Variants in MACF1 observed in about 807,000 individuals in gnomAD.
The protein encoded by MACF1 is microtubule-actin cross-linking factor 1.
In MACF1, 193 loss-of-function variants were observed where a neutral mutation model predicts 854.8. The ratio of observed to expected loss-of-function variants is 0.23; its 90% CI spans 0.20 to 0.25. The LOEUF is 0.25. Among genes scored for constraint, MACF1 ranks in the 10% least tolerant of loss-of-function variants. The pLI is 1.00. For synonymous variants in MACF1, 3,185 were observed against 3,226.7 expected, an observed-to-expected ratio of 0.99 and a Z score of 0.44; for missense variants, 7,722 against 8,929.1, an observed-to-expected ratio of 0.86 and a Z score of 5.45.
intron 98 of MACF1, 24 bp downstream of exon 98, chr1:39,480,033 CCTT>C (rs1289046209): frequency 1.2e-5 from 17 of 1,462,946 alleles, no homozygotes; most frequent in Non-Finnish European, 1.6e-5. Flanking sequence ...TCCATTATGC[CCTT>C]CTTCCCCAAT....
chr1:39,440,111 C>CTTTTCTTTTT (rs1553414036), intron 72 of MACF1, among the ~76,000 whole-genome samples: 84 of 64,504 alleles, frequency 1.3e-3, no homozygotes, highest in African/African-American at 4.7e-3. Flanking sequence ...CTTTTCTTTT[C>CTTTTCTTTTT]TTTTTTTTTT....
At chr1:39,206,747 A>T (rs766614332) in intron 1 of MACF1, 1 of 152,196 alleles carries the variant, frequency 6.6e-6, no homozygotes, top group Non-Finnish European at 1.5e-5. Context: ...ATGGATTCCA[A>T]ATCTTCCATG....
chr1:39,187,592 G>A (rs1188809327), intron 2 of MACF1, among the ~76,000 whole-genome samples: 1 of 152,104 alleles, frequency 6.6e-6, no homozygotes, highest in African/African-American at 2.4e-5. Context: ...AAGGATACAA[G>A]GGAGGTAAAT....
intron 58 of MACF1, among the ~76,000 whole-genome samples, chr1:39,393,196 A>AAAAAAAAAATAT (rs57576149): frequency 1.5e-5 from 1 of 66,566 alleles, no homozygotes; most frequent in African/African-American, 8.4e-5. Flanking sequence ...AAAAAAAAAA[A>AAAAAAAAAATAT]ATATATATAT....
intron 2 of MACF1, among the ~76,000 whole-genome samples, chr1:39,140,467 A>G (rs1460397037): frequency 3.3e-5 from 5 of 152,222 alleles, no homozygotes; most frequent in East Asian, 1.9e-4. Context: ...TAAGGCTTCA[A>G]TAACCATTGC....
In MACF1 at chr1:39,134,034, C is replaced by CTTTTTTT. The variant is rs754585049; in HGVS notation, c.220+49614_220+49620dup. 9.8e-4 allele frequency among the ~76,000 whole-genome samples: 70 copies of CTTTTTTT among 71,622 alleles called. 1 individual carries two copies. Among genetic ancestry groups the CTTTTTTT allele is most frequent in the East Asian group, 2.0e-3 (4 of 1,982 alleles). 47.0% of individuals were successfully genotyped at this position (71,622 alleles called of 152,430 possible). A position where few individuals can be genotyped will look rare whatever the true frequency, so the allele number is the denominator to read the frequency against. On this transcript the variant is annotated intron_variant, in intron 2 of 93. Coordinates refer to the MACF1 transcript ENST00000361689. ...TAGATATTATCATCAGAAGAACAGT[C>CTTTTTTT]TTTTTTTTTTTTTTTTTTTTTTTTG... is the stretch of plus-strand genomic sequence containing the variant.
chr1:39,259,281 TC>T (rs944821591), intron 6 of MACF1, among the ~76,000 whole-genome samples: 3 of 152,192 alleles, frequency 2.0e-5, no homozygotes, highest in African/African-American at 7.2e-5. Flanking sequence ...TAAATTAATT[TC>T]CTTTTTTTTT....
At chr1:39,122,049 T>A (rs928116582) in intron 2 of MACF1, among the ~76,000 whole-genome samples, 76 of 152,284 alleles carry the variant, frequency 5.0e-4, no homozygotes, top group African/African-American at 1.8e-3. Context: ...ATTGTTTACC[T>A]TAAGACAGCC....
At chr1:39,215,991 C>G (rs906013910) in intron 1 of MACF1, among the ~76,000 whole-genome samples, 10 of 152,104 alleles carry the variant, frequency 6.6e-5, no homozygotes. Flanking sequence ...TTAGATCTCT[C>G]TTGATAAGGC....
intron 58 of MACF1, among the ~76,000 whole-genome samples, chr1:39,415,555 G>T (rs1384515107): frequency 1.3e-5 from 2 of 148,636 alleles, no homozygotes. Flanking sequence ...GTAGAGACGG[G>T]TTTCACTGTG....
At position 39,480,981 on chromosome 1, in the gene MACF1, C is replaced by A. The variant is rs1645002048; in HGVS notation, c.22232C>A (p.Thr7411Asn). The change falls in exon 99 of 101, where the codon ACC (threonine) becomes AAC (asparagine). Residue 7411 changes from threonine (T) to asparagine (N), a missense_variant. This residue lies in a region of MACF1 where 185 missense variants were observed against 225.7 expected (regional missense o/e 0.82). Coordinates refer to ENST00000564288, the MANE Select transcript of MACF1 (RefSeq NM_001394062.1). Reference protein sequence around the residue: ...KPWLVNSKAGTPIRDSHSPDL... With the variant: ...KPWLVNSKAGNPIRDSHSPDL... The stretch of plus-strand genomic sequence containing the variant: ...TGGTTGGTAAACAGTAAAGCTGGCA[C>A]CCCTATCAGGGACAGCCATTCTCCT... The A allele has an allele frequency of 1.3e-6, 2 of 1,550,812 alleles. No individual in the cohort carries two copies. The highest frequency in any genetic ancestry group is 2.4e-5 in the South Asian group (2 of 84,062).
chr1:39,429,714 C>CAGAG (rs146170592), intron 64 of MACF1, 113 bp from the exon 65 acceptor site: 18 of 1,022,432 alleles, frequency 1.8e-5, no homozygotes, highest in Non-Finnish European at 2.6e-5. Flanking sequence ...ATCATTACCA[C>CAGAG]AGAGAGAGAG....
At position 39,310,849 on chromosome 1, in the gene MACF1, T is replaced by C. The variant is rs756137083; in HGVS notation, c.3119T>C (p.Val1040Ala). The C allele has an allele frequency of 1.6e-5, 25 of 1,612,458 alleles. No individual in the cohort carries two copies. Among genetic ancestry groups the C allele is most frequent in the Non-Finnish European group, 2.1e-5 (25 of 1,179,300 alleles). The part of the protein sequence containing the change: ...SMENEDKEET[V>A]AKMYISELKN... Reference sequence around the variant, plus strand: ...TTCACAGAGGACAAAGAGGAGACTGTGGCCAAGATGTACATTTCAGAGTTG... The same window carrying C: ...TTCACAGAGGACAAAGAGGAGACTGCGGCCAAGATGTACATTTCAGAGTTG... The change falls in exon 26 of 101, where the codon GTG becomes GCG. Residue 1040 changes from valine to alanine, a missense_variant. By Grantham distance (64) the Val-to-Ala change is moderately conservative (BLOSUM62 0). Transcript: ENST00000564288.
At chr1:39,400,426 A>C (rs1642431308) in intron 58 of MACF1, among the ~76,000 whole-genome samples, 1 of 152,112 alleles carries the variant, frequency 6.6e-6, no homozygotes, top group African/African-American at 2.4e-5. Context: ...AGATGATAAT[A>C]TGCTTTTTTT....
chr1:39,199,278 C>A (rs1161363072), intron 2 of MACF1, among the ~76,000 whole-genome samples: 2 of 147,392 alleles, frequency 1.4e-5, no homozygotes, highest in Non-Finnish European at 3.0e-5. Context: ...AGCCACTGTG[C>A]CTGGCCTGTT....
chr1:39,333,573 C>T lies in MACF1; in HGVS notation c.6985C>T (p.Leu2329=), dbSNP rs1646763635. ...SHTAVKLMEK[L]NMFQGFFDSQ... ...CACTGCCGTGAAGCTTATGGAGAAG[C>T]TGAACATGTTTCAGGGGTTCTTTGA... Residue 2329 remains leucine (L), a synonymous_variant, in exon 37 of 101, where the codon CTG becomes TTG. Transcript: ENST00000564288. 17 of 1,614,080 alleles carry T rather than the reference C, an allele frequency of 1.1e-5. No individual in the cohort carries two copies. The highest frequency in any genetic ancestry group is 1.3e-5 in the African/African-American group (1 of 74,930).
chr1:39,361,228 A>T, intron 48 of MACF1, 132 bp from the exon 49 acceptor site: 1 of 896,806 alleles, frequency 1.1e-6, no homozygotes, highest in Non-Finnish European at 1.7e-6. Context: ...AGGTGATGAG[A>T]TGTGTGGTAT....
chr1:39,455,249 T>C (rs1443352439), intron 89 of MACF1, 152 bp downstream of exon 89: 2 of 745,476 alleles, frequency 2.7e-6, no homozygotes, highest in Admixed American at 3.0e-5. Context: ...TACCTCATAG[T>C]TTCTGTGCTT....
intron 6 of MACF1, chr1:39,269,359 G>A (rs1645274703): frequency 1.6e-6 from 2 of 1,289,894 alleles, no homozygotes; most frequent in Non-Finnish European, 2.0e-6. Context: ...GAGGGCTGGA[G>A]TGTGGAGGAA....
Sources: gnomAD v4.1 joint callset for allele counts (sites outside exome capture counted in the v4.1 genomes callset) on GRCh38, gnomAD v4.1.1 for gene constraint, gnomAD v4.1.1 regional missense constraint, MANE v1.5 for transcripts, NCBI Gene and HGNC (gene_info 2026-07-23, HGNC 2026-07-21) for gene names.